Variants in ZNF385D observed in about 807,000 individuals in gnomAD.
The protein encoded by ZNF385D is zinc finger protein 659.
In ZNF385D, 15 loss-of-function variants were observed where a neutral mutation model predicts 35.8. The observed-to-expected ratio is 0.42, with a 90% CI of 0.28 to 0.64. ZNF385D has a LOEUF of 0.64. Among genes scored for constraint, ZNF385D ranks in the 30% least tolerant of loss-of-function variants. The pLI, the probability that ZNF385D is intolerant of heterozygous loss-of-function variation, is 0.23. For synonymous variants in ZNF385D, 212 were observed against 186.8 expected (o/e 1.13, Z -1.10); for missense variants, 474 against 494.6 (o/e 0.96, Z 0.39).
intron 3 of ZNF385D, among the ~76,000 whole-genome samples, chr3:22,014,054 TG>T (rs1460075329): frequency 6.6e-6 from 1 of 152,038 alleles, no homozygotes. Flanking sequence ...ACGTCAGGAA[TG>T]GGAAGAAATC....
At chr3:21,542,788 G>A (rs9851531) in intron 3 of ZNF385D, 91,300 of 151,840 alleles carry the variant, frequency 0.6, 27,848 homozygotes, top group East Asian at 0.8. Context: ...AGCCTCGATC[G>A]GGGAACTCTG....
intron 2 of ZNF385D, among the ~76,000 whole-genome samples, chr3:22,215,538 A>G (rs1318654044): frequency 1.3e-5 from 2 of 151,988 alleles, no homozygotes; most frequent in Admixed American, 1.3e-4. Flanking sequence ...GGACAAGGAA[A>G]TTCCCGCCTA....
intron 3 of ZNF385D, among the ~76,000 whole-genome samples, chr3:21,886,997 C>CT (rs2125874351): frequency 6.6e-6 from 1 of 152,186 alleles, no homozygotes; most frequent in African/African-American, 2.4e-5. Context: ...TGTTCCTTTC[C>CT]TTTTTTGCCC....
intron 3 of ZNF385D, among the ~76,000 whole-genome samples, chr3:21,832,131 A>G (rs1321229478): frequency 6.6e-6 from 1 of 152,120 alleles, no homozygotes; most frequent in Non-Finnish European, 1.5e-5. Flanking sequence ...ATATTTTTTA[A>G]ATCTTTTTAT....
chr3:21,992,475 A>C (rs555731302), intron 3 of ZNF385D, among the ~76,000 whole-genome samples: 1 of 152,196 alleles, frequency 6.6e-6, no homozygotes, highest in Non-Finnish European at 1.5e-5. Context: ...CACAGCTATC[A>C]TGTATTCAAC....
intron 3 of ZNF385D, among the ~76,000 whole-genome samples, chr3:21,813,603 T>C (rs1392999659): frequency 6.6e-6 from 1 of 152,104 alleles, no homozygotes. Flanking sequence ...AGGGTATCGA[T>C]GATTGAAGAT....
chr3:21,966,112 T>C (rs1702898803), intron 3 of ZNF385D, among the ~76,000 whole-genome samples: 1 of 152,182 alleles, frequency 6.6e-6, no homozygotes, highest in East Asian at 1.9e-4. Flanking sequence ...ATTTCAGCAA[T>C]AGATACAGAG....
intron 3 of ZNF385D, among the ~76,000 whole-genome samples, chr3:22,095,593 C>G (rs1576311164): frequency 6.6e-6 from 1 of 152,108 alleles, no homozygotes; most frequent in Admixed American, 6.6e-5. Flanking sequence ...GATACAATCT[C>G]CTACTGTAAC....
rs77787246 is a variant in ZNF385D at position 21,826,555 on chromosome 3, T to C, written c.326-161527A>G. ...TCCACTTGAAAGTCATTCCTTTTTT[T>C]AGAAAGTGTGAATGATAGTAACTTT... On this transcript the variant is annotated intron_variant, in intron 3 of 5. Coordinates refer to the ZNF385D transcript ENST00000494108. Among the ~76,000 whole-genome samples, 332 of 152,220 alleles carry C rather than the reference T, an allele frequency of 2.2e-3. 3 individuals are homozygous for C. Among genetic ancestry groups the C allele is most frequent in the African/African-American group, 7.8e-3 (323 of 41,544 alleles).
intron 3 of ZNF385D, among the ~76,000 whole-genome samples, chr3:21,528,398 G>A (rs1368215800): frequency 6.6e-6 from 1 of 152,178 alleles, no homozygotes; most frequent in African/African-American, 2.4e-5. Flanking sequence ...TTGACTGAGT[G>A]ATAGAAATAA....
intron 2 of ZNF385D, among the ~76,000 whole-genome samples, chr3:22,348,664 T>TAGAAAGAA (rs202171339): frequency 1.3e-4 from 14 of 110,464 alleles, no homozygotes; most frequent in African/African-American, 4.6e-4. Context: ...CAAAACGCTG[T>TAGAAAGAA]AGAAAGAAAG....
rs149784114 is a variant in ZNF385D, at chr3:22,246,896, G to C, written c.107-77861C>G. ...TCAATGATTTTTCAGAACATTCTCTGTGTAGATATGTAGGTAGCATATATT... is the reference window on the plus strand; with the variant it reads ...TCAATGATTTTTCAGAACATTCTCTCTGTAGATATGTAGGTAGCATATATT... On this transcript the variant is annotated intron_variant, in intron 2 of 5. Coordinates refer to the ZNF385D transcript ENST00000494108. 3.0e-3 allele frequency among the ~76,000 whole-genome samples: 454 copies of C among 152,184 alleles called. 6 individuals carry two copies. The highest frequency in any genetic ancestry group is 0.01 in the African/African-American group (418 of 41,518).
intron 3 of ZNF385D, among the ~76,000 whole-genome samples, chr3:22,166,477 G>C (rs1181589865): frequency 6.6e-6 from 1 of 152,148 alleles, no homozygotes; most frequent in South Asian, 2.1e-4. Flanking sequence ...GGGTTTCATT[G>C]CAAGTTCAAC....
intron 3 of ZNF385D, among the ~76,000 whole-genome samples, chr3:21,785,560 G>T (rs1254465204): frequency 6.6e-6 from 1 of 152,004 alleles, no homozygotes; most frequent in African/African-American, 2.4e-5. Flanking sequence ...TCACCTTCCT[G>T]GTATCTCCTC....
At chr3:21,532,422 A>G (rs780723591) in intron 3 of ZNF385D, among the ~76,000 whole-genome samples, 6 of 152,216 alleles carry the variant, frequency 3.9e-5, no homozygotes, top group Non-Finnish European at 7.3e-5. Context: ...GATGAATTAT[A>G]TAAATCGCAA....
chr3:22,359,508 C>T (rs1039303090), intron 2 of ZNF385D, among the ~76,000 whole-genome samples: 2 of 151,808 alleles, frequency 1.3e-5, no homozygotes, highest in African/African-American at 4.8e-5. Flanking sequence ...TGTAACAATA[C>T]TAATGACAGG....
chr3:21,829,054 G>A (rs1694830298), intron 3 of ZNF385D, among the ~76,000 whole-genome samples: 1 of 152,118 alleles, frequency 6.6e-6, no homozygotes, highest in Non-Finnish European at 1.5e-5. Context: ...CATCTTCAAA[G>A]CCCCTGTTGC....
At chr3:22,044,934 G>A (rs773263754) in intron 3 of ZNF385D, among the ~76,000 whole-genome samples, 18 of 152,118 alleles carry the variant, frequency 1.2e-4, no homozygotes, top group Admixed American at 2.6e-4. Flanking sequence ...TGCAGAATAC[G>A]GAGAGGTACA....
At chr3:21,750,652 G>T (rs987536363) in intron 1 of ZNF385D, among the ~76,000 whole-genome samples, 2 of 142,458 alleles carry the variant, frequency 1.4e-5, no homozygotes, top group African/African-American at 5.3e-5. Flanking sequence ...TTACCCCCCC[G>T]CCCCCTCCAC....
Sources: allele counts gnomAD v4.1 joint callset (sites outside exome capture counted in the v4.1 genomes callset), GRCh38; gene constraint gnomAD v4.1.1; transcripts MANE v1.5; gene names NCBI Gene and HGNC (gene_info 2026-07-23, HGNC 2026-07-21).